Variants in PRPSAP2 observed in about 807,000 individuals in gnomAD.
PRPSAP2 encodes phosphoribosyl pyrophosphate synthetase associated protein 2, also known as phosphoribosyl pyrophosphate synthase-associated protein 2.
A neutral mutation model predicts 40.6 loss-of-function variants in PRPSAP2; 24 were observed. The ratio of observed to expected loss-of-function variants is 0.59; its 90% confidence interval spans 0.43 to 0.83. PRPSAP2 has a LOEUF of 0.83. PRPSAP2 is among the 40% of genes least tolerant of loss of function. PRPSAP2 has a pLI of 0.00. For missense variants in PRPSAP2, 292 were observed against 465.6 expected, an observed-to-expected ratio of 0.63 and a Z score of 3.43; for synonymous variants, 149 against 164.7, an observed-to-expected ratio of 0.90 and a Z score of 0.73.
At chr17:18,927,195 G>A (rs1398316050) in intron 10 of PRPSAP2, among the ~76,000 whole-genome samples, 4 of 152,082 alleles carry the variant, frequency 2.6e-5, no homozygotes, top group Non-Finnish European at 4.4e-5. Flanking sequence ...TTTTTATAGC[G>A]ACATGAATTC....
chr17:18,899,386 A>C (rs1186261758), intron 8 of PRPSAP2, among the ~76,000 whole-genome samples: 1 of 151,988 alleles, frequency 6.6e-6, no homozygotes, highest in Non-Finnish European at 1.5e-5. Context: ...ATGCCCTGCC[A>C]CAGCCATTGT....
At chr17:18,882,361 A>T (rs1367408965) in intron 6 of PRPSAP2, among the ~76,000 whole-genome samples, 1 of 151,840 alleles carries the variant, frequency 6.6e-6, no homozygotes, top group Admixed American at 6.6e-5. Flanking sequence ...AAAATACAGA[A>T]TTATCTGGGC....
At chr17:18,885,926 T>C (rs1277158904) in intron 7 of PRPSAP2, among the ~76,000 whole-genome samples, 5 of 152,142 alleles carry the variant, frequency 3.3e-5, no homozygotes, top group African/African-American at 1.2e-4. Flanking sequence ...TTTCACCGTG[T>C]TGGCCAGGCT....
At chr17:18,866,479 G>C (rs8182287) in intron 3 of PRPSAP2, among the ~76,000 whole-genome samples, 2 of 151,958 alleles carry the variant, frequency 1.3e-5, no homozygotes, top group African/African-American at 4.8e-5. Context: ...CAGGAGAATC[G>C]CTTGAACGCA....
intron 8 of PRPSAP2, among the ~76,000 whole-genome samples, chr17:18,905,673 G>A (rs571898696): frequency 2.0e-5 from 3 of 151,286 alleles, no homozygotes; most frequent in Admixed American, 6.6e-5. Context: ...TCCGCCTCCC[G>A]GGTTCAAGTG....
chr17:18,896,465 C>T (rs1175995702), intron 8 of PRPSAP2, among the ~76,000 whole-genome samples: 1 of 152,040 alleles, frequency 6.6e-6, no homozygotes, highest in African/African-American at 2.4e-5. Context: ...GCCTTAAGGT[C>T]AGCCAAGGTT....
At chr17:18,878,107 G>T (rs1391783512) in intron 6 of PRPSAP2, among the ~76,000 whole-genome samples, 2 of 152,104 alleles carry the variant, frequency 1.3e-5, no homozygotes, top group African/African-American at 2.4e-5. Context: ...GTAGATACTG[G>T]GTCTTACTAT....
At chr17:18,929,081 G>A (rs1597789459) in intron 11 of PRPSAP2, 124 bp downstream of exon 11, 4 of 1,397,020 alleles carry the variant, frequency 2.9e-6, no homozygotes, top group East Asian at 2.4e-5. Context: ...CAAGGGCTGG[G>A]TGCAGTGGTT....
At chr17:18,877,909 G>C (rs111275366) in intron 6 of PRPSAP2, 39 bp downstream of exon 6, 93,935 of 1,537,306 alleles carry the variant, frequency 0.061, 3,335 homozygotes, top group Non-Finnish European at 0.072. Flanking sequence ...TTGGGGGCCT[G>C]GGAGTTTTAT....
rs1270774182 is a variant in PRPSAP2, at chr17:18,895,051, G to T, written c.584+5174G>T. Among the ~76,000 whole-genome samples, 13 of 145,246 alleles carry T rather than the reference G, an allele frequency of 9.0e-5. 1 individual carries two copies. The East Asian group carries it at 2.6e-3, about 29-fold the overall frequency. ...TTCATCTTTGATTTCTGTCATCAGA[G>T]TTTTGTAGTTTTCCCCATATAGATG... On this transcript the variant is annotated intron_variant, in intron 8 of 11. Coordinates refer to ENST00000268835, the MANE Select transcript of PRPSAP2 (RefSeq NM_002767.4).
chr17:18,923,590 T>C (rs1459123610), intron 9 of PRPSAP2, among the ~76,000 whole-genome samples: 1 of 152,216 alleles, frequency 6.6e-6, no homozygotes, highest in Non-Finnish European at 1.5e-5. Flanking sequence ...ATAGAGATAG[T>C]TTTACTTTTC....
chr17:18,911,376 C>A lies in PRPSAP2; in HGVS notation c.733+125C>A. The A allele has an allele frequency of 1.7e-6, 2 of 1,179,696 alleles. No individual in the cohort carries two copies. The highest frequency in any genetic ancestry group is 2.5e-5 in the East Asian group (1 of 40,290). 73.1% of individuals were successfully genotyped at this position (1,179,696 alleles called of 1,614,324 possible). A position where few individuals can be genotyped will look rare whatever the true frequency, so the allele number is the denominator to read the frequency against. On this transcript the variant is annotated intron_variant, in intron 9 of 11. Coordinates refer to ENST00000268835, the MANE Select transcript of PRPSAP2 (RefSeq NM_002767.4). This position sits in a 1 kb window ranked among gnomAD's most constrained non-coding sequence, Gnocchi z 4.5. ...TTGGCAAAAACTCATTAACACCTTT[C>A]TTGGCCAGATAGTAGCGAATGCATT...
chr17:18,920,467 C>T (rs1457533536), intron 9 of PRPSAP2, among the ~76,000 whole-genome samples: 2 of 152,152 alleles, frequency 1.3e-5, no homozygotes, highest in Non-Finnish European at 2.9e-5. Context: ...GTAGTGATCA[C>T]TACAGGCCGT....
intron 5 of PRPSAP2, among the ~76,000 whole-genome samples, chr17:18,876,082 G>A (rs1393906654): frequency 6.6e-6 from 1 of 152,134 alleles, no homozygotes; most frequent in Non-Finnish European, 1.5e-5. Context: ...GCGGTGAGCC[G>A]AGATCATGCC....
chr17:18,900,782 C>T (rs184565683), intron 8 of PRPSAP2, among the ~76,000 whole-genome samples: 104 of 152,226 alleles, frequency 6.8e-4, no homozygotes, highest in Admixed American at 4.8e-3. Flanking sequence ...CCTCCGCTGA[C>T]GCCAAGGAAA....
chr17:18,904,291 G>C (rs1158974471), intron 8 of PRPSAP2: 2 of 152,172 alleles, frequency 1.3e-5, no homozygotes, highest in East Asian at 3.8e-4. Context: ...GTCTCCCTCT[G>C]TCGCCCAGTC....
intron 6 of PRPSAP2, among the ~76,000 whole-genome samples, chr17:18,879,336 G>A (rs962008507): frequency 5.3e-5 from 8 of 152,166 alleles, no homozygotes; most frequent in African/African-American, 1.7e-4. Flanking sequence ...CCAGTCTGGA[G>A]TGCAATGACG....
intron 8 of PRPSAP2, among the ~76,000 whole-genome samples, chr17:18,895,315 TCTCTAA>T (rs1445860080): frequency 6.6e-6 from 1 of 151,716 alleles, no homozygotes; most frequent in Admixed American, 6.6e-5. Context: ...CCTAGGCTGG[TCTCTAA>T]CTCCTAGGCT....
At chr17:18,871,208 C>T (rs1336234361) in intron 4 of PRPSAP2, among the ~76,000 whole-genome samples, 2 of 151,816 alleles carry the variant, frequency 1.3e-5, no homozygotes, top group Non-Finnish European at 2.9e-5. Flanking sequence ...TTAGTAGAGA[C>T]GAGGTTTCAC....
Sources: allele counts gnomAD v4.1 joint callset (sites outside exome capture counted in the v4.1 genomes callset), GRCh38; gene constraint gnomAD v4.1.1; non-coding constraint Gnocchi (gnomAD v3.1); transcripts MANE v1.5; gene names NCBI Gene and HGNC (gene_info 2026-07-23, HGNC 2026-07-21).